FSTL5: variants seen among roughly 807,000 people sequenced by gnomAD.
FSTL5 encodes follistatin like 5, also known as follistatin-related protein 5.
A neutral mutation model predicts 89.1 loss-of-function variants in FSTL5; 62 were observed. The observed-to-expected ratio is 0.70, with a 90% confidence interval of 0.57 to 0.86. FSTL5 has a LOEUF of 0.86. Among genes scored for constraint, FSTL5 ranks in the 40% least tolerant of loss-of-function variants. The pLI is 0.00. For synonymous variants in FSTL5, 383 were observed against 346.2 expected (o/e 1.11, Z -1.18); for missense variants, 1,057 against 1,001.6 (o/e 1.06, Z -0.75).
At chr4:162,029,347 T>C (rs1345528053) in intron 3 of FSTL5, among the ~76,000 whole-genome samples, 1 of 152,178 alleles carries the variant, frequency 6.6e-6, no homozygotes, top group African/African-American at 2.4e-5. Context: ...CTTCCCCTTT[T>C]CATGTACATC....
chr4:161,806,530 G>A (rs953866381), intron 4 of FSTL5, among the ~76,000 whole-genome samples: 1 of 152,144 alleles, frequency 6.6e-6, no homozygotes, highest in Non-Finnish European at 1.5e-5. Context: ...AAAAATGCCT[G>A]TCAGATATAG....
chr4:161,924,155 AT>A lies in FSTL5; in HGVS notation c.161-3504del, dbSNP rs373707172. On this transcript the variant is annotated intron_variant, in intron 3 of 15. Coordinates refer to ENST00000306100, the MANE Select transcript of FSTL5 (RefSeq NM_020116.5). ...GTAGCTTATAGTTTTATCAAATAGC[AT>A]TTACTCCTAAAAAAGGATTATATAT... Among the ~76,000 whole-genome samples the A allele has an allele frequency of 6.8e-3, 1,026 of 151,776 alleles. 9 individuals are homozygous for A. Among genetic ancestry groups the A allele is most frequent in the Non-Finnish European group, 0.011 (748 of 67,746 alleles).
At chr4:162,020,728 T>C (rs1482942544) in intron 3 of FSTL5, among the ~76,000 whole-genome samples, 2 of 152,038 alleles carry the variant, frequency 1.3e-5, no homozygotes, top group East Asian at 1.9e-4. Flanking sequence ...TTACTTCTTA[T>C]TTAACTAAAA....
rs544560568 is a variant in FSTL5, at chr4:161,882,845, C to G, written c.409+37559G>C. The stretch of plus-strand genomic sequence containing the variant: ...CAGACCCCTTACATAGTAGAGCAAG[C>G]AGCATTAGCAGTAGCATTCTCTGGT... On this transcript the variant is annotated intron_variant, in intron 4 of 15. Coordinates refer to ENST00000306100, the MANE Select transcript of FSTL5 (RefSeq NM_020116.5). Among the ~76,000 whole-genome samples, 22 of 152,160 alleles carry G rather than the reference C, an allele frequency of 1.4e-4. No homozygotes were observed. The South Asian group carries it at 4.4e-3, about 30-fold the overall frequency.
intron 5 of FSTL5, among the ~76,000 whole-genome samples, chr4:161,765,956 G>A (rs1029105275): frequency 1.3e-5 from 2 of 151,838 alleles, no homozygotes; most frequent in African/African-American, 2.4e-5. Flanking sequence ...CACCATGCCC[G>A]GCTAATTTTT....
rs898572752 is a variant in FSTL5, at chr4:161,869,894, C to T, written c.409+50510G>A. ...AATCATATTCAAGATTAAAATTTCT[C>T]CTTGTCTTCAGCACTCTTCTCCCAC... On this transcript the variant is annotated intron_variant, in intron 4 of 15. Coordinates refer to ENST00000306100, the MANE Select transcript of FSTL5 (RefSeq NM_020116.5). 2.6e-5 allele frequency among the ~76,000 whole-genome samples: 4 copies of T among 152,146 alleles called. No homozygotes were observed. The South Asian group carries it at 6.2e-4, about 24-fold the overall frequency.
chr4:161,784,723 T>C (rs1741822368), intron 4 of FSTL5, among the ~76,000 whole-genome samples: 1 of 151,610 alleles, frequency 6.6e-6, no homozygotes, highest in African/African-American at 2.4e-5. Flanking sequence ...TGAAACCCCA[T>C]CTCTACTAAA....
At chr4:162,087,662 T>C (rs1334940533) in intron 2 of FSTL5, among the ~76,000 whole-genome samples, 1 of 152,130 alleles carries the variant, frequency 6.6e-6, no homozygotes, top group African/African-American at 2.4e-5. Context: ...TATTCCATCG[T>C]CATTCGACTT....
At chr4:161,717,785 A>T (rs1351168463) in intron 6 of FSTL5, among the ~76,000 whole-genome samples, 2 of 152,192 alleles carry the variant, frequency 1.3e-5, no homozygotes, top group African/African-American at 2.4e-5. Context: ...TTTGATAAAG[A>T]TGTAATTATA....
intron 6 of FSTL5, among the ~76,000 whole-genome samples, chr4:161,750,952 T>C (rs1740371125): frequency 6.8e-6 from 1 of 147,800 alleles, no homozygotes; most frequent in Non-Finnish European, 1.5e-5. Flanking sequence ...TATTAATATT[T>C]GTATGACAAA....
intron 12 of FSTL5, among the ~76,000 whole-genome samples, chr4:161,490,831 C>T: frequency 6.6e-6 from 1 of 152,020 alleles, no homozygotes; most frequent in East Asian, 1.9e-4. Flanking sequence ...TGATTTCTTA[C>T]AGTTATGTGG....
chr4:161,990,609 T>C (rs1166672099), intron 3 of FSTL5, among the ~76,000 whole-genome samples: 2 of 152,064 alleles, frequency 1.3e-5, no homozygotes, highest in African/African-American at 4.8e-5. Context: ...TTGAAAGGCA[T>C]TAAGAAGATA....
chr4:161,431,174 C>G (rs948706185), intron 15 of FSTL5, among the ~76,000 whole-genome samples: 42 of 152,020 alleles, frequency 2.8e-4, no homozygotes, highest in African/African-American at 9.9e-4. Flanking sequence ...GAGTAATTGT[C>G]GTGTATAAAC....
chr4:161,983,883 C>G (rs1029721597), intron 3 of FSTL5, among the ~76,000 whole-genome samples: 1 of 151,996 alleles, frequency 6.6e-6, no homozygotes, highest in Non-Finnish European at 1.5e-5. Context: ...TGTTGAATTT[C>G]TATGTTGAAT....
At chr4:161,851,373 T>C (rs1211403587) in intron 4 of FSTL5, among the ~76,000 whole-genome samples, 3 of 152,148 alleles carry the variant, frequency 2.0e-5, no homozygotes, top group African/African-American at 7.2e-5. Flanking sequence ...ATTAGAATAA[T>C]CTGTTTAGTT....
intron 2 of FSTL5, among the ~76,000 whole-genome samples, chr4:162,110,696 T>A (rs1731401533): frequency 2.0e-5 from 3 of 151,720 alleles, no homozygotes; most frequent in African/African-American, 7.2e-5. Context: ...AAGTATTTAA[T>A]GTTTATAATT....
At chr4:162,099,525 T>C (rs1730902708) in intron 2 of FSTL5, among the ~76,000 whole-genome samples, 1 of 152,178 alleles carries the variant, frequency 6.6e-6, no homozygotes. Context: ...ATGACCTTTT[T>C]AATACAACAA....
chr4:161,463,443 A>G (rs1733646519), intron 13 of FSTL5, among the ~76,000 whole-genome samples: 1 of 152,348 alleles, frequency 6.6e-6, no homozygotes, highest in South Asian at 2.1e-4. Flanking sequence ...AAACATTTAT[A>G]TGATTTTCAT....
chr4:162,125,346 ATT>A (rs11313471), intron 1 of FSTL5, among the ~76,000 whole-genome samples: 1 of 151,972 alleles, frequency 6.6e-6, no homozygotes, highest in African/African-American at 2.4e-5. Flanking sequence ...TTGTAACTAA[ATT>A]TTTTTATTTG....
Sources: gnomAD v4.1 joint callset for allele counts (sites outside exome capture counted in the v4.1 genomes callset) on GRCh38, gnomAD v4.1.1 for gene constraint, MANE v1.5 for transcripts, NCBI Gene and HGNC (gene_info 2026-07-23, HGNC 2026-07-21) for gene names.